Variants in ARHGAP29 observed in about 807,000 individuals in gnomAD.
The protein encoded by ARHGAP29 is Rho GTPase activating protein 29, also known as rho GTPase-activating protein 29.
ARHGAP29 carries 43 observed loss-of-function variants against 122.6 expected under a neutral mutation model. The ratio of observed to expected loss-of-function variants is 0.35; its 90% CI spans 0.27 to 0.45. The LOEUF is 0.45. Among genes scored for constraint, ARHGAP29 ranks in the 20% least tolerant of loss-of-function variants. The pLI, the probability that ARHGAP29 is intolerant of heterozygous loss-of-function variation, is 1.00. For synonymous variants in ARHGAP29, 506 were observed against 497.1 expected (o/e 1.02, Z -0.24); for missense variants, 1,303 against 1,477.2 (o/e 0.88, Z 1.93).
intron 1 of ARHGAP29, among the ~76,000 whole-genome samples, chr1:94,247,351 C>A (rs1010035711): frequency 6.6e-6 from 1 of 152,010 alleles, no homozygotes; most frequent in African/African-American, 2.4e-5. Flanking sequence ...CCCTGCTGCC[C>A]GCCGGCGTCA....
chr1:94,227,085 C>T (rs566558669), intron 2 of ARHGAP29, among the ~76,000 whole-genome samples: 2 of 151,740 alleles, frequency 1.3e-5, no homozygotes, highest in South Asian at 4.2e-4. Context: ...TTATGCAGAA[C>T]CTCTCATAAC....
chr1:94,186,589 G>T lies in ARHGAP29; in HGVS notation c.1690C>A (p.His564Asn). The change falls in exon 16 of 23, where the codon CAT becomes AAT. Residue 564 changes from histidine to asparagine, a missense_variant. His to Asn is a moderately conservative substitution (Grantham distance 68). Transcript: ENST00000260526. ...GATGGTGTTCGTGGAAGTTTTCGATGAAAGTCTCCTAGAAGAAAATTGTGG... is the reference window on the plus strand; with the variant it reads ...GATGGTGTTCGTGGAAGTTTTCGATTAAAGTCTCCTAGAAGAAAATTGTGG... ...DSESISPGDF[H>N]RKLPRTPSSG... 1.2e-6 allele frequency: 2 copies of T among 1,612,846 alleles called. No homozygotes were observed. Among genetic ancestry groups the T allele is most frequent in the Non-Finnish European group, 1.7e-6 (2 of 1,179,170 alleles).
the ARHGAP29 span, among the ~76,000 whole-genome samples, chr1:94,303,639 G>A: frequency 6.6e-6 from 1 of 152,186 alleles, no homozygotes; most frequent in Non-Finnish European, 1.5e-5. Flanking sequence ...CAGATGTAAA[G>A]TATTTAGTGC....
At chr1:94,302,916 G>A in the ARHGAP29 span, 2 of 191,398 alleles carry the variant, frequency 1.0e-5, no homozygotes, top group South Asian at 8.4e-5. Flanking sequence ...ACTGGGGCTG[G>A]CATTGCCCTC....
rs1158705444 is a variant in ARHGAP29, at chr1:94,203,117, C to T, written c.856G>A (p.Ala286Thr). Residue 286 changes from alanine to threonine, a missense_variant, in exon 9 of 23, where the codon GCT (alanine) becomes ACT (threonine). Transcript: ENST00000260526. Reference protein sequence around the residue: ...LLQQTIAALQANKFVQPLLGR... With the variant: ...LLQQTIAALQTNKFVQPLLGR... The stretch of plus-strand genomic sequence containing the variant: ...ATCTTTACCTGCACAAATTTGTTAG[C>T]CTGGAGAGCTGCAATTGTTTGTTGT... 1 of 1,612,620 alleles carries T rather than the reference C, an allele frequency of 6.2e-7. No individual in the cohort carries two copies. Among genetic ancestry groups the T allele is most frequent in the African/African-American group, 1.3e-5 (1 of 74,972 alleles).
chr1:94,246,088 A>G (rs1201777224), intron 1 of ARHGAP29, among the ~76,000 whole-genome samples: 1 of 152,126 alleles, frequency 6.6e-6, no homozygotes, highest in Non-Finnish European at 1.5e-5. Context: ...AACATTTTCT[A>G]CTCAGGTCTA....
intron 2 of ARHGAP29, among the ~76,000 whole-genome samples, chr1:94,224,174 A>G (rs1652485543): frequency 6.6e-6 from 1 of 152,198 alleles, no homozygotes; most frequent in Non-Finnish European, 1.5e-5. Flanking sequence ...TATTTGGCAC[A>G]TACATAACTA....
chr1:94,195,955 A>G (rs912556773), intron 12 of ARHGAP29: 2 of 152,204 alleles, frequency 1.3e-5, no homozygotes, highest in Admixed American at 6.5e-5. Context: ...ATCATTAATA[A>G]TTGTTACTGT....
At chr1:94,229,553 C>T (rs889893656) in intron 2 of ARHGAP29, among the ~76,000 whole-genome samples, 3 of 151,676 alleles carry the variant, frequency 2.0e-5, no homozygotes, top group African/African-American at 7.3e-5. Flanking sequence ...ATCCTCTGGC[C>T]ACTGCATACT....
chr1:94,253,144 G>A (rs560404854), intron 1 of ARHGAP29, among the ~76,000 whole-genome samples: 1 of 152,004 alleles, frequency 6.6e-6, no homozygotes, highest in Non-Finnish European at 1.5e-5. Context: ...CTAATTTTTT[G>A]TATGTTTAGT....
At chr1:94,230,211 C>A (rs1017509096) in intron 2 of ARHGAP29, among the ~76,000 whole-genome samples, 4 of 151,576 alleles carry the variant, frequency 2.6e-5, no homozygotes, top group African/African-American at 9.7e-5. Context: ...AAATAAATGG[C>A]AAATTTATCA....
the ARHGAP29 span, among the ~76,000 whole-genome samples, chr1:94,313,487 T>C: frequency 2.0e-5 from 3 of 152,186 alleles, no homozygotes; most frequent in African/African-American, 7.2e-5. Context: ...AAACAACAGA[T>C]GCTGGAGAGG....
the ARHGAP29 span, among the ~76,000 whole-genome samples, chr1:94,294,859 A>G: frequency 9.9e-5 from 15 of 152,232 alleles, no homozygotes; most frequent in African/African-American, 3.4e-4. Flanking sequence ...TTTTGAGAAG[A>G]AAACAGACAA....
the ARHGAP29 span, among the ~76,000 whole-genome samples, chr1:94,287,508 A>T: frequency 3.3e-5 from 5 of 151,614 alleles, no homozygotes; most frequent in Non-Finnish European, 7.4e-5. Flanking sequence ...TATTATTATT[A>T]TTATTATTAT....
Position 94,184,842 on chromosome 1 carries a change from CT to C in ARHGAP29, c.2109+29del, listed in dbSNP as rs1248811491. ...AGAATAGGTTACACAGGCATTTATG[CT>C]TTTTAAAATTTTAAGAGTTATAATG... is the stretch of plus-strand genomic sequence containing the variant. On this transcript the variant is annotated intron_variant, in intron 18 of 22. Coordinates refer to ENST00000260526, the MANE Select transcript of ARHGAP29 (RefSeq NM_004815.4). 3.3e-6 allele frequency: 5 copies of C among 1,505,540 alleles called. No individual in the cohort carries two copies. In the African/African-American group the frequency reaches 7.1e-5, roughly 21 times the overall value. 93.3% of individuals were successfully genotyped at this position (1,505,540 alleles called of 1,614,324 possible).
chr1:94,309,071 C>A, the ARHGAP29 span, among the ~76,000 whole-genome samples: 1 of 152,214 alleles, frequency 6.6e-6, no homozygotes. Context: ...AACAGGGGAG[C>A]CATTGGCTCA....
intron 1 of ARHGAP29, among the ~76,000 whole-genome samples, chr1:94,262,564 C>T (rs929713492): frequency 6.6e-6 from 1 of 151,730 alleles, no homozygotes; most frequent in Non-Finnish European, 1.5e-5. Context: ...GCAAAAAAAC[C>T]AACAACCCAC....
At chr1:94,257,057 T>C (rs1162179498) in intron 1 of ARHGAP29, among the ~76,000 whole-genome samples, 2 of 152,160 alleles carry the variant, frequency 1.3e-5, no homozygotes, top group Non-Finnish European at 2.9e-5. Flanking sequence ...TTTCAAAGAA[T>C]TGATTTATGA....
intron 1 of ARHGAP29, among the ~76,000 whole-genome samples, chr1:94,271,263 AAG>A (rs1237995042): frequency 1.3e-5 from 2 of 151,614 alleles, no homozygotes; most frequent in African/African-American, 4.9e-5. Context: ...GTAAGCAAGT[AAG>A]AGAATAAAAG....
Sources: gnomAD v4.1 joint callset for allele counts (sites outside exome capture counted in the v4.1 genomes callset) on GRCh38, gnomAD v4.1.1 for gene constraint, MANE v1.5 for transcripts, NCBI Gene and HGNC (gene_info 2026-07-23, HGNC 2026-07-21) for gene names.